The following SH2D4A variants were observed in gnomAD, a reference collection of about 807,000 sequenced individuals.
The protein encoded by SH2D4A is SH2 domain-containing protein 4A.
In SH2D4A, 70 loss-of-function variants were observed where a neutral mutation model predicts 64.7. That is an observed-to-expected ratio of 1.08 (90% CI 0.89 to 1.32). The LOEUF (loss-of-function observed/expected upper bound fraction) is 1.32, where lower values mean the gene tolerates loss of function less well. Among genes scored for constraint, SH2D4A ranks in the 40% most tolerant of loss-of-function variants. The pLI is 0.00. For missense variants in SH2D4A, 706 were observed against 540.1 expected (o/e 1.31, Z -3.04); for synonymous variants, 268 against 200.7 (o/e 1.34, Z -2.83).
At position 19,393,399 on chromosome 8, in the gene SH2D4A, G is replaced by A. The variant is rs1563217089; in HGVS notation, c.1130G>A (p.Arg377Lys). The A allele has an allele frequency of 6.2e-7, 1 of 1,614,148 alleles. No homozygotes were observed. The highest frequency in any genetic ancestry group is 8.5e-7 in the Non-Finnish European group (1 of 1,179,948). Residue 377 changes from arginine (R) to lysine (K), a missense_variant, in exon 9 of 10, where the codon AGG becomes AAG. By Grantham distance (26) the Arg-to-Lys change is conservative. Transcript: ENST00000265807. ...AGTTTTCTCATCCGAGTCAGTGAAA[G>A]GATCAAAGGCTATGCCCTGTCCTAT... ...PGSFLIRVSERIKGYALSYLS... is the reference protein window; with the variant it reads ...PGSFLIRVSEKIKGYALSYLS...
intron 2 of SH2D4A, among the ~76,000 whole-genome samples, chr8:19,326,274 A>G (rs555019479): frequency 1.1e-4 from 16 of 152,348 alleles, no homozygotes; most frequent in African/African-American, 3.8e-4. Flanking sequence ...GGCATCAACC[A>G]GTTGGAAGGG....
intron 8 of SH2D4A, among the ~76,000 whole-genome samples, chr8:19,389,750 A>G (rs1342734412): frequency 6.6e-6 from 1 of 152,110 alleles, no homozygotes; most frequent in African/African-American, 2.4e-5. Context: ...CCCCATCTCT[A>G]TGAAAATTGG....
At chr8:19,329,219 G>A (rs1390179743) in intron 2 of SH2D4A, among the ~76,000 whole-genome samples, 5 of 152,162 alleles carry the variant, frequency 3.3e-5, no homozygotes, top group East Asian at 3.9e-4. Context: ...AGAACTTGTC[G>A]TATTTCTCTT....
At chr8:19,329,097 G>A (rs1004410458) in intron 2 of SH2D4A, among the ~76,000 whole-genome samples, 13 of 152,120 alleles carry the variant, frequency 8.5e-5, no homozygotes, top group African/African-American at 2.9e-4. Flanking sequence ...GCCCATGGCT[G>A]CCTGCTGATT....
chr8:19,389,902 C>T (rs183524692), intron 8 of SH2D4A, among the ~76,000 whole-genome samples: 84 of 152,260 alleles, frequency 5.5e-4, no homozygotes, highest in African/African-American at 1.9e-3. Context: ...TACTGCTTTT[C>T]TCTAGCACAG....
chr8:19,317,952 A>G (rs1039671106), intron 1 of SH2D4A, among the ~76,000 whole-genome samples: 3 of 150,866 alleles, frequency 2.0e-5, no homozygotes, highest in Admixed American at 6.6e-5. Flanking sequence ...CCCAGGCTGG[A>G]GTGTAGTGGC....
chr8:19,387,554 C>G (rs1772694014), intron 8 of SH2D4A, among the ~76,000 whole-genome samples: 1 of 152,190 alleles, frequency 6.6e-6, no homozygotes, highest in African/African-American at 2.4e-5. Flanking sequence ...CCATCACATG[C>G]TTTTTTATTT....
At chr8:19,368,337 T>G (rs1014296821) in intron 7 of SH2D4A, among the ~76,000 whole-genome samples, 4 of 152,208 alleles carry the variant, frequency 2.6e-5, no homozygotes, top group Non-Finnish European at 4.4e-5. Flanking sequence ...TTCTGGCAAT[T>G]CGTAGTAGTC....
chr8:19,319,805 C>A, intron 2 of SH2D4A, 77 bp downstream of exon 2: 1 of 1,415,640 alleles, frequency 7.1e-7, no homozygotes, highest in South Asian at 1.6e-5. Context: ...TCACACTAGT[C>A]ACAAGCAAAG....
At chr8:19,320,461 G>C (rs2052169097) in intron 2 of SH2D4A, among the ~76,000 whole-genome samples, 2 of 151,454 alleles carry the variant, frequency 1.3e-5, no homozygotes, top group African/African-American at 4.8e-5. Flanking sequence ...CTTTTCTTTA[G>C]GAAAAATAAA....
At chr8:19,391,851 T>C (rs1030305910) in intron 8 of SH2D4A, among the ~76,000 whole-genome samples, 18 of 152,236 alleles carry the variant, frequency 1.2e-4, no homozygotes, top group African/African-American at 4.1e-4. Context: ...CCTTGCCTTT[T>C]CCTGAGGTGG....
chr8:19,378,397 T>G (rs544853661), intron 8 of SH2D4A, among the ~76,000 whole-genome samples: 6 of 152,314 alleles, frequency 3.9e-5, no homozygotes, highest in African/African-American at 1.4e-4. Flanking sequence ...TGTAAAAGTA[T>G]GCACTATATA....
chr8:19,349,415 T>C (rs1230832928), intron 4 of SH2D4A, among the ~76,000 whole-genome samples: 1 of 152,214 alleles, frequency 6.6e-6, no homozygotes, highest in Non-Finnish European at 1.5e-5. Context: ...AATAAAAAGA[T>C]TGATAGAAAT....
In SH2D4A at chr8:19,313,770, C is replaced by G. The variant is rs1452482482; in HGVS notation, c.-258C>G. The G allele has an allele frequency of 6.6e-7, 1 of 1,513,174 alleles. No individual in the cohort carries two copies. The highest frequency in any genetic ancestry group is 2.0e-5 in the Admixed American group (1 of 49,254). 93.7% of individuals were successfully genotyped at this position (1,513,174 alleles called of 1,614,324 possible). ...TCCCTTCCCCGACGGCTTCTGGCGG[C>G]CAAGTGGATGTGGCGGGTGATCGAG... is the stretch of plus-strand genomic sequence containing the variant. On this transcript the variant is annotated 5_prime_UTR_variant, in exon 1 of 10. Coordinates refer to ENST00000265807, the MANE Select transcript of SH2D4A (RefSeq NM_022071.4).
At chr8:19,381,657 A>G (rs2053295336) in intron 8 of SH2D4A, among the ~76,000 whole-genome samples, 1 of 152,210 alleles carries the variant, frequency 6.6e-6, no homozygotes, top group African/African-American at 2.4e-5. Context: ...TATTTTATCT[A>G]ACAGCTATAG....
intron 8 of SH2D4A, among the ~76,000 whole-genome samples, chr8:19,380,688 T>C (rs2053278616): frequency 1.3e-5 from 2 of 152,374 alleles, no homozygotes; most frequent in South Asian, 4.1e-4. Flanking sequence ...ACCATGTCTA[T>C]GCATTTTTAT....
rs749930067 is a variant in SH2D4A, at chr8:19,313,846, G to A, written c.-205+23G>A. 45 of 1,465,570 alleles carry A rather than the reference G, an allele frequency of 3.1e-5. No individual in the cohort carries two copies. In the East Asian group the frequency reaches 5.3e-4, roughly 17 times the overall value. 90.8% of individuals were successfully genotyped at this position (1,465,570 alleles called of 1,614,324 possible). On this transcript the variant is annotated intron_variant, in intron 1 of 9. Transcript: ENST00000265807. ...CTGGTAGGTGCTGGGGGTGGGGCGA[G>A]GCTTTGGGGAGAGTGTGCGTGGGGT...
intron 8 of SH2D4A, among the ~76,000 whole-genome samples, chr8:19,376,391 G>A (rs1239723783): frequency 6.6e-6 from 1 of 152,142 alleles, no homozygotes; most frequent in African/African-American, 2.4e-5. Context: ...GAAGGCCGAG[G>A]CAGGCGGATC....
Position 19,393,408 on chromosome 8 carries a change from G to A in SH2D4A, c.1139G>A (p.Gly380Asp). ...FLIRVSERIK[G>D]YALSYLSEDG... ...ATCCGAGTCAGTGAAAGGATCAAAG[G>A]CTATGCCCTGTCCTATCTGTCGGAG... is the stretch of plus-strand genomic sequence containing the variant. Residue 380 changes from glycine to aspartate, a missense_variant, in exon 9 of 10, where the codon GGC becomes GAC. Gly to Asp is a moderately conservative substitution (Grantham distance 94). Coordinates refer to ENST00000265807, the MANE Select transcript of SH2D4A (RefSeq NM_022071.4). 6.2e-7 allele frequency: 1 copy of A among 1,614,226 alleles called. No individual in the cohort carries two copies. The highest frequency in any genetic ancestry group is 1.6e-4 in the Middle Eastern group (1 of 6,062).
Sources: gnomAD v4.1 joint callset for allele counts (sites outside exome capture counted in the v4.1 genomes callset) on GRCh38, gnomAD v4.1.1 for gene constraint, MANE v1.5 for transcripts, NCBI Gene and HGNC (gene_info 2026-07-23, HGNC 2026-07-21) for gene names.